The following CRACR2A variants were observed in gnomAD, a reference collection of about 807,000 sequenced individuals.
The protein encoded by CRACR2A is EF-hand calcium-binding domain-containing protein 4B.
Under a neutral mutation model 90.5 loss-of-function variants are expected in CRACR2A, and 79 were observed. The observed-to-expected ratio is 0.87, with a 90% CI of 0.73 to 1.05. The LOEUF (loss-of-function observed/expected upper bound fraction) is 1.05, where lower values mean the gene tolerates loss of function less well. CRACR2A is among the 50% of genes least tolerant of loss of function. CRACR2A has a pLI of 0.00. For missense variants in CRACR2A, 823 were observed against 897.2 expected (o/e 0.92, Z 1.06); for synonymous variants, 338 against 356.7 (o/e 0.95, Z 0.59).
At chr12:3,726,047 G>T (rs1946257705) in intron 2 of CRACR2A, 1 of 152,004 alleles carries the variant, frequency 6.6e-6, no homozygotes, top group African/African-American at 2.4e-5. Context: ...CCCTATTTTT[G>T]TAACAAATAT....
At chr12:3,673,946 C>T (rs960148317) in intron 6 of CRACR2A, among the ~76,000 whole-genome samples, 1 of 152,180 alleles carries the variant, frequency 6.6e-6, no homozygotes, top group African/African-American at 2.4e-5. Flanking sequence ...TTCCCCACCT[C>T]GCTCTGCTGC....
intron 2 of CRACR2A, among the ~76,000 whole-genome samples, chr12:3,714,367 C>T (rs1946052056): frequency 6.6e-6 from 1 of 152,152 alleles, no homozygotes; most frequent in Admixed American, 6.5e-5. Context: ...CAAGATAACC[C>T]CCTCTCTAAG....
Position 3,627,570 on chromosome 12 carries a change from G to A in CRACR2A, c.1818-20C>T. The A allele has an allele frequency of 3.2e-6, 5 of 1,551,470 alleles. No homozygotes were observed. The South Asian group carries it at 5.9e-5, about 18-fold the overall frequency. On this transcript the variant is annotated intron_variant, in intron 16 of 19. Transcript: ENST00000440314. ...CGGTACCTGCCACAGAAGGGCCACG[G>A]GTCAGGCATGCACGGCCTTCCCTCT...
At chr12:3,751,680 G>A (rs1159599375) in intron 1 of CRACR2A, among the ~76,000 whole-genome samples, 1 of 152,028 alleles carries the variant, frequency 6.6e-6, no homozygotes, top group Non-Finnish European at 1.5e-5. Context: ...CATCCAGGAC[G>A]CCCTCTGCGA....
chr12:3,615,590 C>A (rs1032614137), intron 19 of CRACR2A, among the ~76,000 whole-genome samples, 151 bp from the exon 20 acceptor site: 2 of 152,084 alleles, frequency 1.3e-5, no homozygotes, highest in Non-Finnish European at 2.9e-5. Context: ...TCCTGAACAT[C>A]CCCCCCTGGA....
chr12:3,653,348 C>T (rs1944836159), intron 10 of CRACR2A, among the ~76,000 whole-genome samples: 1 of 152,182 alleles, frequency 6.6e-6, no homozygotes, highest in East Asian at 1.9e-4. Flanking sequence ...ATTGAATGCC[C>T]AGCACGGTAC....
intron 4 of CRACR2A, among the ~76,000 whole-genome samples, chr12:3,685,643 T>G (rs1362248161): frequency 6.6e-6 from 1 of 152,204 alleles, no homozygotes; most frequent in Non-Finnish European, 1.5e-5. Flanking sequence ...AGGACAAATA[T>G]TATATAAGTC....
At chr12:3,638,078 G>A (rs1010012564) in intron 14 of CRACR2A, 46 bp downstream of exon 14, 9 of 1,484,526 alleles carry the variant, frequency 6.1e-6, no homozygotes, top group Admixed American at 2.3e-5. Flanking sequence ...GCAAGAGACA[G>A]ATCATAGAAG....
chr12:3,657,248 A>G (rs533196829), intron 8 of CRACR2A, among the ~76,000 whole-genome samples: 1 of 152,388 alleles, frequency 6.6e-6, no homozygotes, highest in African/African-American at 2.4e-5. Context: ...TGCCATCTGC[A>G]GCACTCCACT....
At chr12:3,727,617 T>G (rs1470116335) in intron 2 of CRACR2A, 1 of 152,194 alleles carries the variant, frequency 6.6e-6, no homozygotes, top group Non-Finnish European at 1.5e-5. Flanking sequence ...TTCGAGGTTT[T>G]GTCTTTATTC....
chr12:3,644,482 C>A, intron 12 of CRACR2A, 113 bp downstream of exon 12: 1 of 1,137,662 alleles, frequency 8.8e-7, no homozygotes, highest in Non-Finnish European at 1.3e-6. Flanking sequence ...CGTCATCCTG[C>A]CAAATAGATC....
chr12:3,725,424 A>G (rs532314892), intron 2 of CRACR2A, among the ~76,000 whole-genome samples: 10 of 152,016 alleles, frequency 6.6e-5, no homozygotes, highest in African/African-American at 2.4e-4. Flanking sequence ...CTCTGTCCTC[A>G]TTTGGCCTTC....
intron 2 of CRACR2A, 79 bp from the exon 3 acceptor site, chr12:3,713,396 G>A (rs993342110): frequency 4.1e-6 from 3 of 738,754 alleles, no homozygotes; most frequent in Non-Finnish European, 5.0e-6. Flanking sequence ...AGCAATTTTG[G>A]AAAAACTTGG....
At chr12:3,625,339 T>C (rs1944236522) in intron 17 of CRACR2A, among the ~76,000 whole-genome samples, 2 of 151,788 alleles carry the variant, frequency 1.3e-5, no homozygotes, top group African/African-American at 4.8e-5. Flanking sequence ...CTGAGATGTC[T>C]TCACCTCCAC....
chr12:3,621,794 C>T (rs374355795), intron 17 of CRACR2A, among the ~76,000 whole-genome samples: 1 of 151,614 alleles, frequency 6.6e-6, no homozygotes, highest in South Asian at 2.1e-4. Context: ...TATTGTTCCT[C>T]TCTTACACAG....
At chr12:3,727,788 G>A (rs1327988506) in intron 2 of CRACR2A, 1 of 151,982 alleles carries the variant, frequency 6.6e-6, no homozygotes, top group Non-Finnish European at 1.5e-5. Flanking sequence ...TACTATGTTC[G>A]TTATTTGGGT....
Position 3,638,344 on chromosome 12 carries a change from C to T in CRACR2A, c.1382G>A (p.Gly461Glu), listed in dbSNP as rs955353331. The T allele has an allele frequency of 1.2e-5, 19 of 1,551,434 alleles. No individual in the cohort carries two copies. The highest frequency in any genetic ancestry group is 5.5e-5 in the African/African-American group (4 of 72,982). ...GCGGAGCGGCCGGGGGTACGGACCCCCAGGCCCTGGCTCCCCGGTTCCTGG... is the reference window on the plus strand; with the variant it reads ...GCGGAGCGGCCGGGGGTACGGACCCTCAGGCCCTGGCTCCCCGGTTCCTGG... Reference protein sequence around the residue: ...EEPGTGEPGPGGPYPRPLRRI... With the variant: ...EEPGTGEPGPEGPYPRPLRRI... Residue 461 changes from glycine (G) to glutamate (E), a missense_variant, in exon 14 of 20, where the codon GGG (glycine) becomes GAG (glutamate). Physicochemically the swap from Gly to Glu is moderately conservative, Grantham distance 98. Transcript: ENST00000440314.
chr12:3,644,504 G>T, intron 12 of CRACR2A, 91 bp downstream of exon 12: 1 of 1,308,558 alleles, frequency 7.6e-7, no homozygotes, highest in African/African-American at 1.5e-5. Context: ...CGAGTGTCAG[G>T]ACATTGCTGG....
chr12:3,719,065 T>C (rs982864730), intron 2 of CRACR2A, among the ~76,000 whole-genome samples: 10 of 152,130 alleles, frequency 6.6e-5, no homozygotes, highest in African/African-American at 2.2e-4. Flanking sequence ...TAAAGCAAAG[T>C]AGAGCACCCA....
Sources: gnomAD v4.1 joint callset for allele counts (sites outside exome capture counted in the v4.1 genomes callset) on GRCh38, gnomAD v4.1.1 for gene constraint, MANE v1.5 for transcripts, NCBI Gene and HGNC (gene_info 2026-07-23, HGNC 2026-07-21) for gene names.